Variants in KCNQ1 observed in about 807,000 individuals in gnomAD.
KCNQ1 encodes potassium voltage-gated channel subfamily Q member 1.
A neutral mutation model predicts 72.4 loss-of-function variants in KCNQ1; 49 were observed. The ratio of observed to expected loss-of-function variants is 0.68; its 90% CI spans 0.54 to 0.86. The LOEUF (loss-of-function observed/expected upper bound fraction) is 0.86. Ranked by LOEUF, KCNQ1 falls within the 40% of genes least tolerant of loss-of-function variation. The pLI, the probability that KCNQ1 is intolerant of heterozygous loss-of-function variation, is 0.00. For missense variants in KCNQ1, 790 were observed against 945.1 expected, an observed-to-expected ratio of 0.84 and a Z score of 2.15; for synonymous variants, 450 against 412.6, an observed-to-expected ratio of 1.09 and a Z score of -1.10.
chr11:2,824,443 A>G lies in KCNQ1; in HGVS notation c.1795-23324A>G, dbSNP rs1326454147. Among the ~76,000 whole-genome samples, 1 of 152,174 alleles carries G rather than the reference A, an allele frequency of 6.6e-6. No individual in the cohort carries two copies. The highest frequency in any genetic ancestry group is 1.5e-5 in the Non-Finnish European group (1 of 68,034). Reference sequence around the variant, plus strand: ...CATATGTTGGAGGCTGAAACGATTCATCCAGACAGGAGCAGGGAGGAGGAC... The same window carrying G: ...CATATGTTGGAGGCTGAAACGATTCGTCCAGACAGGAGCAGGGAGGAGGAC... On this transcript the variant is annotated intron_variant, in intron 15 of 15. Coordinates refer to ENST00000155840, the MANE Select transcript of KCNQ1 (RefSeq NM_000218.3). The surrounding 1 kb of genome is among the most constrained non-coding windows in gnomAD (Gnocchi z 5.9).
At chr11:2,841,576 C>T (rs957851957) in intron 15 of KCNQ1, among the ~76,000 whole-genome samples, 7 of 152,196 alleles carry the variant, frequency 4.6e-5, no homozygotes, top group Non-Finnish European at 1.0e-4. Context: ...ATACAGGATT[C>T]GGGCCGGCTT....
At position 2,516,698 on chromosome 11, in the gene KCNQ1, A is replaced by AT. The variant is rs1847294078; in HGVS notation, c.387-11226dup. ...ATCCTCATGCTACGGCCACCACCTG[A>AT]TTTTGTCGATAAAGTTTTATTAGGA... is the stretch of plus-strand genomic sequence containing the variant. On this transcript the variant is annotated intron_variant, in intron 1 of 15. Coordinates refer to ENST00000155840, the MANE Select transcript of KCNQ1 (RefSeq NM_000218.3). The surrounding 1 kb of genome is among the most constrained non-coding windows in gnomAD (Gnocchi z 7.0). 6.6e-6 allele frequency among the ~76,000 whole-genome samples: 1 copy of AT among 151,906 alleles called. No homozygotes were observed. Among genetic ancestry groups the AT allele is most frequent in the South Asian group, 2.1e-4 (1 of 4,804 alleles).
In KCNQ1 at chr11:2,695,722, A is replaced by T. The variant is rs1850664273; in HGVS notation, c.1514+33641A>T. ...TGTGCCTGTCTCCGTCCCCACCTGC[A>T]GCACACAGGGAGGCTTGTTCCTTGC... On this transcript the variant is annotated intron_variant, in intron 11 of 15. Transcript: ENST00000155840. This position sits in a 1 kb window ranked among gnomAD's most constrained non-coding sequence, Gnocchi z 5.2. The T allele has an allele frequency of 2.5e-6, 1 of 398,572 alleles. No individual in the cohort carries two copies. The highest frequency in any genetic ancestry group is 1.3e-4 in the South Asian group (1 of 7,860). The allele number at this position is 398,572 out of a possible 1,614,324, so 24.7% of individuals were successfully genotyped here.
intron 5 of KCNQ1, 134 bp downstream of exon 5, chr11:2,572,243 G>C (rs958219994): frequency 3.0e-6 from 2 of 658,630 alleles, no homozygotes; most frequent in Admixed American, 2.4e-5. Flanking sequence ...AGGGGTACCT[G>C]AACGGGGCCC....
intron 10 of KCNQ1, chr11:2,622,706 G>A: frequency 2.5e-6 from 1 of 398,510 alleles, no homozygotes; most frequent in Non-Finnish European, 4.4e-6. Flanking sequence ...ATGTGTGTAT[G>A]TGTATTTTAA....
chr11:2,534,771 C>T (rs1313100463), intron 2 of KCNQ1, among the ~76,000 whole-genome samples: 3 of 152,248 alleles, frequency 2.0e-5, no homozygotes, highest in Non-Finnish European at 2.9e-5. Flanking sequence ...CTTCAGAACG[C>T]GGTCGTCTTC....
rs1264726257 is a variant in KCNQ1 at position 2,592,758 on chromosome 11, C to T, written c.1393+3904C>T. Among the ~76,000 whole-genome samples, 2 of 152,304 alleles carry T rather than the reference C, an allele frequency of 1.3e-5. No homozygotes were observed. Among genetic ancestry groups the T allele is most frequent in the East Asian group, 3.9e-4 (2 of 5,174 alleles). ...ACAGCCCGGCTGCTGCTGCCTTGGG[C>T]GTCCTGAAGATCCTCTGTATGCTTG... is the stretch of plus-strand genomic sequence containing the variant. On this transcript the variant is annotated intron_variant, in intron 10 of 15. Transcript: ENST00000155840. The surrounding 1 kb of genome is among the most constrained non-coding windows in gnomAD (Gnocchi z 5.2).
chr11:2,591,654 T>C (rs1848672134), intron 10 of KCNQ1, among the ~76,000 whole-genome samples: 1 of 152,240 alleles, frequency 6.6e-6, no homozygotes, highest in Non-Finnish European at 1.5e-5. Flanking sequence ...ATCGATGCCG[T>C]CCATTCAGCC....
intron 11 of KCNQ1, among the ~76,000 whole-genome samples, chr11:2,731,005 A>G (rs1268224845): frequency 2.4e-4 from 37 of 152,236 alleles, no homozygotes; most frequent in Admixed American, 2.4e-3. Context: ...CTCATAGAAA[A>G]GGAAGGCCCT....
intron 11 of KCNQ1, among the ~76,000 whole-genome samples, chr11:2,744,444 G>A (rs1846105224): frequency 6.6e-6 from 1 of 152,242 alleles, no homozygotes; most frequent in African/African-American, 2.4e-5. Context: ...AGGGGTGCAA[G>A]AGGTGCCTGA....
In KCNQ1 at chr11:2,747,694, G is replaced by C. The variant is rs187670073; in HGVS notation, c.1515-21150G>C. Reference sequence around the variant, plus strand: ...GACACGTCTGGGCAGGCTTCTTGCAGAAAGGCCACAGGCTAGGATGGTGGG... The same window carrying C: ...GACACGTCTGGGCAGGCTTCTTGCACAAAGGCCACAGGCTAGGATGGTGGG... On this transcript the variant is annotated intron_variant, in intron 11 of 15. Coordinates refer to ENST00000155840, the MANE Select transcript of KCNQ1 (RefSeq NM_000218.3). Among the ~76,000 whole-genome samples, 388 of 152,344 alleles carry C rather than the reference G, an allele frequency of 2.5e-3. 1 individual carries two copies. Among genetic ancestry groups the C allele is most frequent in the Non-Finnish European group, 3.6e-3 (245 of 68,028 alleles).
In KCNQ1 at chr11:2,537,045, A is replaced by AC. The variant is rs1847744365; in HGVS notation, c.477+9033dup. On this transcript the variant is annotated intron_variant, in intron 2 of 15. Transcript: ENST00000155840. The surrounding 1 kb of genome is among the most constrained non-coding windows in gnomAD (Gnocchi z 5.2). ...TTGGAGGCTACCCTACTCCACTGTGACCCCCCTCCTAACTGATCATATCTG... is the reference window on the plus strand; with the variant it reads ...TTGGAGGCTACCCTACTCCACTGTGACCCCCCCTCCTAACTGATCATATCTG... 6.6e-6 allele frequency among the ~76,000 whole-genome samples: 1 copy of AC among 151,504 alleles called. No individual in the cohort carries two copies. Among genetic ancestry groups the AC allele is most frequent in the African/African-American group, 2.4e-5 (1 of 41,094 alleles).
chr11:2,627,950 CTA>C lies in KCNQ1; in HGVS notation c.1394-34009_1394-34008del. ...AATTTTATGTAGAGATAGGGTATCA[CTA>C]TGTTTCCTAGGCTGGTCTCAAACTC... is the stretch of plus-strand genomic sequence containing the variant. On this transcript the variant is annotated intron_variant, in intron 10 of 15. Coordinates refer to ENST00000155840, the MANE Select transcript of KCNQ1 (RefSeq NM_000218.3). This position sits in a 1 kb window ranked among gnomAD's most constrained non-coding sequence, Gnocchi z 4.9. 2.5e-6 allele frequency: 1 copy of C among 398,532 alleles called. No individual in the cohort carries two copies. The highest frequency in any genetic ancestry group is 1.3e-4 in the South Asian group (1 of 7,846). 24.7% of individuals were successfully genotyped at this position (398,532 alleles called of 1,614,324 possible).
At chr11:2,755,211 C>T (rs2133967277) in intron 11 of KCNQ1, among the ~76,000 whole-genome samples, 1 of 152,234 alleles carries the variant, frequency 6.6e-6, no homozygotes, top group Admixed American at 6.5e-5. Context: ...TCTCTCTGAC[C>T]ACAGCCAGGA....
intron 5 of KCNQ1, 51 bp downstream of exon 5, chr11:2,572,160 G>A: frequency 7.1e-7 from 1 of 1,406,184 alleles, no homozygotes; most frequent in Non-Finnish European, 1.0e-6. Flanking sequence ...ACAGGACGGA[G>A]GGAGCAGAGC....
At chr11:2,521,894 A>C (rs2133637250) in intron 1 of KCNQ1, among the ~76,000 whole-genome samples, 1 of 152,336 alleles carries the variant, frequency 6.6e-6, no homozygotes, top group East Asian at 1.9e-4. Flanking sequence ...AGGGCAGGTC[A>C]TGGAGTCTCC....
At chr11:2,511,971 A>G (rs1847213821) in intron 1 of KCNQ1, among the ~76,000 whole-genome samples, 1 of 152,194 alleles carries the variant, frequency 6.6e-6, no homozygotes, top group East Asian at 1.9e-4. Context: ...AGTGCAGAGG[A>G]AGCGTGAGCA....
rs933350055 is a variant in KCNQ1 at position 2,782,290 on chromosome 11, A to G, written c.1794+4253A>G. On this transcript the variant is annotated intron_variant, in intron 15 of 15. Coordinates refer to ENST00000155840, the MANE Select transcript of KCNQ1 (RefSeq NM_000218.3). The surrounding 1 kb of genome is among the most constrained non-coding windows in gnomAD (Gnocchi z 6.1). The stretch of plus-strand genomic sequence containing the variant: ...TCTCCGGCCTCTCCTCACACCCACC[A>G]ATCCTTCACATTGTATATTATTTCT... 4.6e-5 allele frequency among the ~76,000 whole-genome samples: 7 copies of G among 152,120 alleles called. No individual in the cohort carries two copies. Among genetic ancestry groups the G allele is most frequent in the Non-Finnish European group, 7.3e-5 (5 of 68,028 alleles).
rs931591007 is a variant in KCNQ1, at chr11:2,735,191, A to G, written c.1515-33653A>G. ...AGGGACTGTGTGTGAGAGCCAGGGA[A>G]GGGCTGCTCAGGGGGCTCTCCTTGA... On this transcript the variant is annotated intron_variant, in intron 11 of 15. Coordinates refer to ENST00000155840, the MANE Select transcript of KCNQ1 (RefSeq NM_000218.3). This position sits in a 1 kb window ranked among gnomAD's most constrained non-coding sequence, Gnocchi z 7.7. Among the ~76,000 whole-genome samples, 9 of 152,118 alleles carry G rather than the reference A, an allele frequency of 5.9e-5. No homozygotes were observed. Among genetic ancestry groups the G allele is most frequent in the Non-Finnish European group, 1.3e-4 (9 of 67,986 alleles).
Sources: allele counts gnomAD v4.1 joint callset (sites outside exome capture counted in the v4.1 genomes callset), GRCh38; gene constraint gnomAD v4.1.1; non-coding constraint Gnocchi (gnomAD v3.1); transcripts MANE v1.5; gene names NCBI Gene and HGNC (gene_info 2026-07-23, HGNC 2026-07-21).